CNTNAP5: variants seen among roughly 807,000 people sequenced by gnomAD.
CNTNAP5 encodes the protein contactin-associated protein-like 5.
CNTNAP5 carries 72 observed loss-of-function variants against 150.2 expected under a neutral mutation model. The observed-to-expected ratio is 0.48, with a 90% CI of 0.40 to 0.58. The LOEUF (loss-of-function observed/expected upper bound fraction) is 0.58. CNTNAP5 is among the 20% of genes least tolerant of loss of function. The pLI is 0.00. For synonymous variants in CNTNAP5, 672 were observed against 619.8 expected, an observed-to-expected ratio of 1.08 and a Z score of -1.25; for missense variants, 1,636 against 1,626.2, an observed-to-expected ratio of 1.01 and a Z score of -0.10.
chr2:124,350,458 T>C (rs1051000787), intron 3 of CNTNAP5, among the ~76,000 whole-genome samples: 3 of 151,794 alleles, frequency 2.0e-5, no homozygotes, highest in African/African-American at 7.2e-5. Flanking sequence ...GGCTTGTTTT[T>C]TTTTTTTAAT....
chr2:124,268,277 T>C (rs1350596406), intron 3 of CNTNAP5, among the ~76,000 whole-genome samples: 2 of 152,190 alleles, frequency 1.3e-5, no homozygotes, highest in African/African-American at 4.8e-5. Context: ...GTTGTTTTGT[T>C]GTGTTTTCCC....
At chr2:124,196,905 A>G (rs1441347272) in intron 1 of CNTNAP5, among the ~76,000 whole-genome samples, 1 of 152,198 alleles carries the variant, frequency 6.6e-6, no homozygotes, top group Non-Finnish European at 1.5e-5. Context: ...TTCTGCCTGC[A>G]AGGCATGCAG....
At chr2:124,571,078 C>G (rs1696142359) in intron 11 of CNTNAP5, among the ~76,000 whole-genome samples, 1 of 152,132 alleles carries the variant, frequency 6.6e-6, no homozygotes, top group African/African-American at 2.4e-5. Flanking sequence ...TAGCATGGTT[C>G]CTGACAAATA....
chr2:124,759,178 T>C lies in CNTNAP5; in HGVS notation c.2235-4494T>C, dbSNP rs142766768. ...AGTTGGAGAAGACAAACAGTTGGTG[T>C]GTTCCAGAGAGAGATATATATTTTG... On this transcript the variant is annotated intron_variant, in intron 14 of 23. Coordinates refer to ENST00000682447, the MANE Select transcript of CNTNAP5 (RefSeq NM_001367498.1). Among the ~76,000 whole-genome samples, 3 of 151,980 alleles carry C rather than the reference T, an allele frequency of 2.0e-5. No homozygotes were observed. The East Asian group carries it at 5.8e-4, about 29-fold the overall frequency.
At chr2:124,811,964 T>A (rs1436462782) in intron 19 of CNTNAP5, among the ~76,000 whole-genome samples, 2 of 114,730 alleles carry the variant, frequency 1.7e-5, no homozygotes, top group African/African-American at 3.3e-5. Context: ...ATATATATAT[T>A]TTTTATAATA....
intron 10 of CNTNAP5, among the ~76,000 whole-genome samples, chr2:124,562,126 A>G (rs1280713409): frequency 2.0e-5 from 3 of 152,268 alleles, no homozygotes; most frequent in East Asian, 3.9e-4. Context: ...ACTCAGATAC[A>G]TGTCTCCCTA....
At chr2:124,607,195 G>A (rs1419538718) in intron 11 of CNTNAP5, among the ~76,000 whole-genome samples, 2 of 152,070 alleles carry the variant, frequency 1.3e-5, no homozygotes, top group East Asian at 3.9e-4. Context: ...AGTGTCTCTG[G>A]GACCGTAAGC....
intron 10 of CNTNAP5, among the ~76,000 whole-genome samples, chr2:124,549,484 G>T (rs1480332220): frequency 6.6e-6 from 1 of 152,140 alleles, no homozygotes; most frequent in Non-Finnish European, 1.5e-5. Flanking sequence ...GATAATTCTA[G>T]ACCTGGTCTA....
intron 12 of CNTNAP5, among the ~76,000 whole-genome samples, chr2:124,636,001 T>C (rs1677962209): frequency 6.6e-6 from 1 of 152,248 alleles, no homozygotes; most frequent in Non-Finnish European, 1.5e-5. Flanking sequence ...GTGAGTAGTC[T>C]AACTTTTATG....
chr2:124,697,975 T>C (rs1174678137), intron 13 of CNTNAP5, among the ~76,000 whole-genome samples: 2 of 152,138 alleles, frequency 1.3e-5, no homozygotes, highest in African/African-American at 4.8e-5. Context: ...GAGGATGGAC[T>C]CATAGAAAAG....
intron 3 of CNTNAP5, among the ~76,000 whole-genome samples, chr2:124,331,571 AT>A (rs562585615): frequency 4.6e-5 from 7 of 151,888 alleles, no homozygotes; most frequent in African/African-American, 1.7e-4. Flanking sequence ...CTTCATTTGT[AT>A]TTTGGAATTT....
intron 13 of CNTNAP5, among the ~76,000 whole-genome samples, chr2:124,724,436 TGTG>T (rs1160964480): frequency 6.6e-6 from 1 of 152,058 alleles, no homozygotes. Context: ...TCAACATAAT[TGTG>T]GTGGCAAGGC....
chr2:124,688,313 C>T (rs1262090820), intron 13 of CNTNAP5, among the ~76,000 whole-genome samples: 1 of 151,912 alleles, frequency 6.6e-6, no homozygotes, highest in African/African-American at 2.4e-5. Context: ...TATGGGGAGT[C>T]TAGACCTTAT....
chr2:124,537,522 G>C (rs7600877), intron 10 of CNTNAP5, among the ~76,000 whole-genome samples: 53 of 152,096 alleles, frequency 3.5e-4, no homozygotes, highest in African/African-American at 1.2e-3. Flanking sequence ...TCTTTGAGCT[G>C]ACTGGGGAAT....
intron 10 of CNTNAP5, among the ~76,000 whole-genome samples, chr2:124,544,493 G>A (rs542244997): frequency 6.6e-6 from 1 of 152,180 alleles, no homozygotes; most frequent in South Asian, 2.1e-4. Flanking sequence ...CCTTATAACT[G>A]ATAAAGCTTA....
intron 1 of CNTNAP5, among the ~76,000 whole-genome samples, chr2:124,210,605 C>G (rs958298128): frequency 6.6e-6 from 1 of 152,074 alleles, no homozygotes; most frequent in Non-Finnish European, 1.5e-5. Flanking sequence ...TTAGCACAGT[C>G]TCTTACCCTC....
chr2:124,634,630 C>G (rs1328482466), intron 12 of CNTNAP5, among the ~76,000 whole-genome samples: 1 of 152,040 alleles, frequency 6.6e-6, no homozygotes, highest in African/African-American at 2.4e-5. Flanking sequence ...GCCTCAGCCC[C>G]CCAAGTAGCT....
chr2:124,401,074 C>A (rs1691411892), intron 3 of CNTNAP5, among the ~76,000 whole-genome samples: 1 of 152,106 alleles, frequency 6.6e-6, no homozygotes, highest in African/African-American at 2.4e-5. Flanking sequence ...ACTATGTTGG[C>A]CAGGCTGTCT....
chr2:124,378,285 T>A (rs1690703967), intron 3 of CNTNAP5, among the ~76,000 whole-genome samples: 1 of 152,068 alleles, frequency 6.6e-6, no homozygotes, highest in South Asian at 2.1e-4. Flanking sequence ...AAAAACATGC[T>A]TTTTTAAAAG....
Sources: allele counts gnomAD v4.1 joint callset (sites outside exome capture counted in the v4.1 genomes callset), GRCh38; gene constraint gnomAD v4.1.1; transcripts MANE v1.5; gene names NCBI Gene and HGNC (gene_info 2026-07-23, HGNC 2026-07-21).